The following FUT8 variants were observed in gnomAD, a reference collection of about 807,000 sequenced individuals.
FUT8 encodes fucosyltransferase 8, also known as alpha-(1,6)-fucosyltransferase.
In FUT8, 29 loss-of-function variants were observed where a neutral mutation model predicts 71.3. The ratio of observed to expected loss-of-function variants is 0.41; its 90% CI spans 0.30 to 0.55. FUT8 has a LOEUF of 0.55. FUT8 is among the 20% of genes least tolerant of loss of function. The pLI is 0.34. For synonymous variants in FUT8, 254 were observed against 239.3 expected, an observed-to-expected ratio of 1.06 and a Z score of -0.57; for missense variants, 544 against 702.1, an observed-to-expected ratio of 0.77 and a Z score of 2.55.
intron 7 of FUT8, among the ~76,000 whole-genome samples, chr14:65,682,508 A>G (rs1158708555): frequency 6.7e-6 from 1 of 148,574 alleles, no homozygotes; most frequent in East Asian, 1.9e-4. Context: ...ATGTCTCAGA[A>G]AAAAAAAAAG....
intron 6 of FUT8, among the ~76,000 whole-genome samples, chr14:65,641,025 T>G (rs889488730): frequency 1.3e-5 from 2 of 152,144 alleles, no homozygotes; most frequent in Non-Finnish European, 2.9e-5. Flanking sequence ...TGAGATATAG[T>G]TGACACAAAA....
At chr14:65,504,828 A>T (rs925413518) in intron 2 of FUT8, among the ~76,000 whole-genome samples, 2 of 152,190 alleles carry the variant, frequency 1.3e-5, no homozygotes, top group African/African-American at 4.8e-5. Context: ...TGCTGGGATT[A>T]TAGGTGTGAG....
chr14:65,694,188 T>C (rs1333890934), intron 7 of FUT8, among the ~76,000 whole-genome samples: 2 of 152,186 alleles, frequency 1.3e-5, no homozygotes, highest in Non-Finnish European at 2.9e-5. Flanking sequence ...TTCAGTTTCA[T>C]TGATTTCTTC....
intron 1 of FUT8, among the ~76,000 whole-genome samples, chr14:65,422,984 C>CTTTT (rs34536679): frequency 2.6e-4 from 33 of 127,388 alleles, no homozygotes; most frequent in Non-Finnish European, 3.8e-4. Flanking sequence ...TTCTTTCTTT[C>CTTTT]TTTTTTTTTT....
chr14:65,466,270 A>T (rs1234422011), intron 2 of FUT8, among the ~76,000 whole-genome samples: 1 of 152,188 alleles, frequency 6.6e-6, no homozygotes, highest in African/African-American at 2.4e-5. Context: ...TAGACCACAG[A>T]TGTTTAAAGT....
At chr14:65,372,998 A>G in the FUT8 span, among the ~76,000 whole-genome samples, 1 of 152,214 alleles carries the variant, frequency 6.6e-6, no homozygotes, top group South Asian at 2.1e-4. Context: ...CAGATAAAAT[A>G]TAGGCTGCCC....
chr14:65,622,369 T>C (rs1423406971), intron 5 of FUT8, among the ~76,000 whole-genome samples: 1 of 152,230 alleles, frequency 6.6e-6, no homozygotes, highest in African/African-American at 2.4e-5. Flanking sequence ...TAGATTCTAG[T>C]AGGCTCTGGT....
At chr14:65,644,221 G>T (rs1037373626) in intron 6 of FUT8, among the ~76,000 whole-genome samples, 5 of 152,072 alleles carry the variant, frequency 3.3e-5, no homozygotes, top group Admixed American at 6.6e-5. Flanking sequence ...TCAACTTCTG[G>T]TGCTGTCTTT....
intron 7 of FUT8, among the ~76,000 whole-genome samples, chr14:65,712,704 C>A: frequency 6.6e-6 from 1 of 152,136 alleles, no homozygotes; most frequent in East Asian, 1.9e-4. Context: ...CTCAGTCTCC[C>A]AAAGTGCTGG....
the FUT8 span, among the ~76,000 whole-genome samples, chr14:65,372,922 T>G: frequency 1.3e-5 from 2 of 152,132 alleles, no homozygotes; most frequent in African/African-American, 4.8e-5. Context: ...AGCTTTCTAT[T>G]CCTGTATGAG....
At chr14:65,577,978 T>C in intron 3 of FUT8, among the ~76,000 whole-genome samples, 1 of 152,104 alleles carries the variant, frequency 6.6e-6, no homozygotes, top group Admixed American at 6.5e-5. Context: ...TCATTATCAC[T>C]ACCCAGACCT....
intron 6 of FUT8, among the ~76,000 whole-genome samples, chr14:65,635,104 T>C (rs1890474360): frequency 6.6e-6 from 1 of 152,162 alleles, no homozygotes; most frequent in Admixed American, 6.5e-5. Context: ...TTGCGGCTTT[T>C]ATAAAAGGGG....
At chr14:65,485,318 T>C (rs370975844) in intron 2 of FUT8, among the ~76,000 whole-genome samples, 8 of 152,368 alleles carry the variant, frequency 5.3e-5, no homozygotes, top group African/African-American at 1.9e-4. Flanking sequence ...TTTACCTTTT[T>C]TGAGTGTTAG....
At chr14:65,391,869 G>T in the FUT8 span, among the ~76,000 whole-genome samples, 2 of 152,188 alleles carry the variant, frequency 1.3e-5, no homozygotes. Flanking sequence ...TGATCCACCC[G>T]CCTCAGCCTC....
intron 10 of FUT8, among the ~76,000 whole-genome samples, chr14:65,739,933 T>G (rs1454336072): frequency 6.6e-6 from 1 of 152,064 alleles, no homozygotes; most frequent in African/African-American, 2.4e-5. Context: ...AGATAATGTC[T>G]AAAAACAATG....
intron 2 of FUT8, among the ~76,000 whole-genome samples, chr14:65,463,534 T>C (rs2065998259): frequency 6.6e-6 from 1 of 152,206 alleles, no homozygotes; most frequent in South Asian, 2.1e-4. Flanking sequence ...CCCAAAGTGC[T>C]GGGATTACAG....
chr14:65,726,428 G>A (rs1177498443), intron 9 of FUT8, among the ~76,000 whole-genome samples: 1 of 152,220 alleles, frequency 6.6e-6, no homozygotes, highest in African/African-American at 2.4e-5. Context: ...CCCTGGTGGG[G>A]CTCACAATCT....
chr14:65,648,385 A>G (rs953841456), intron 6 of FUT8, among the ~76,000 whole-genome samples: 2 of 152,136 alleles, frequency 1.3e-5, no homozygotes, highest in Non-Finnish European at 2.9e-5. Flanking sequence ...TTCTGAGCAT[A>G]TGCCTTTGTC....
At chr14:65,629,857 CA>C (rs1555377309) in intron 6 of FUT8, among the ~76,000 whole-genome samples, 1 of 143,862 alleles carries the variant, frequency 7.0e-6, no homozygotes, top group Non-Finnish European at 1.5e-5. Flanking sequence ...CACACACACA[CA>C]ATACAATACA....
Sources: gnomAD v4.1 joint callset for allele counts (sites outside exome capture counted in the v4.1 genomes callset) on GRCh38, gnomAD v4.1.1 for gene constraint, MANE v1.5 for transcripts, NCBI Gene and HGNC (gene_info 2026-07-23, HGNC 2026-07-21) for gene names.